TRIP12: variants seen among roughly 807,000 people sequenced by gnomAD.
TRIP12 encodes E3 ubiquitin-protein ligase TRIP12.
In TRIP12, 25 loss-of-function variants were observed where a neutral mutation model predicts 244.2. The ratio of observed to expected loss-of-function variants is 0.10; its 90% confidence interval spans 0.07 to 0.14. The LOEUF is 0.14. Among genes scored for constraint, TRIP12 ranks in the 10% least tolerant of loss-of-function variants. TRIP12 has a pLI of 1.00. For synonymous variants in TRIP12, 905 were observed against 873.1 expected (o/e 1.04, Z -0.64); for missense variants, 1,677 against 2,486.4 (o/e 0.67, Z 6.92).
chr2:229,832,214 GC>G (rs879838418), intron 6 of TRIP12, among the ~76,000 whole-genome samples: 1 of 152,068 alleles, frequency 6.6e-6, no homozygotes, highest in East Asian at 1.9e-4. Flanking sequence ...GCAAAATATG[GC>G]CCAAAGGCCA....
intron 1 of TRIP12, among the ~76,000 whole-genome samples, chr2:229,899,207 G>GAGCTCAGGAGCCAAT (rs2069855391): frequency 6.6e-6 from 1 of 151,984 alleles, no homozygotes; most frequent in Non-Finnish European, 1.5e-5. Context: ...CACCCACCTT[G>GAGCTCAGGAGCCAAT]GCCACAAGCC....
chr2:229,918,788 C>G (rs945713891), intron 1 of TRIP12, among the ~76,000 whole-genome samples: 1 of 152,180 alleles, frequency 6.6e-6, no homozygotes. Context: ...ACCACCACGA[C>G]TAATGAGAAG....
intron 1 of TRIP12, among the ~76,000 whole-genome samples, chr2:229,912,900 C>G (rs1457459591): frequency 6.6e-6 from 1 of 152,144 alleles, no homozygotes; most frequent in East Asian, 1.9e-4. Context: ...GACAGAGTCT[C>G]ACTCTGTGGC....
At chr2:229,922,088 T>A (rs2076702573), upstream of TRIP12, 1 of 162,486 alleles carries the variant, frequency 6.2e-6, no homozygotes, top group Non-Finnish European at 1.4e-5. Context: ...TACTTTGTCC[T>A]CGGGCTCCGG....
chr2:229,785,737 T>C lies in TRIP12; in HGVS notation c.5094+20A>G. 6.2e-7 allele frequency: 1 copy of C among 1,608,196 alleles called. No individual in the cohort carries two copies. Among genetic ancestry groups the C allele is most frequent in the South Asian group, 1.1e-5 (1 of 90,406 alleles). On this transcript the variant is annotated intron_variant, in intron 34 of 41. Transcript: ENST00000675903. ...GAGCACAAGTCAAGCTAAATAACCA[T>C]CACCAGACTCCAAGCTCACCTCATT...
intron 1 of TRIP12, among the ~76,000 whole-genome samples, chr2:229,920,266 C>G (rs1463463480): frequency 6.6e-6 from 1 of 152,012 alleles, no homozygotes; most frequent in Non-Finnish European, 1.5e-5. Context: ...AAATGAAATG[C>G]CAAAAATACC....
At position 229,775,431 on chromosome 2, in the gene TRIP12, C is replaced by G. The variant is rs547902821; in HGVS notation, c.5530-1170G>C. On this transcript the variant is annotated intron_variant, in intron 37 of 41. Transcript: ENST00000675903. ...AAGTTCTCCATTTTCATGTTCCCCC[C>G]ACTGGTAAGCTCTCAAAACTATCCT... is the stretch of plus-strand genomic sequence containing the variant. 2.6e-5 allele frequency among the ~76,000 whole-genome samples: 4 copies of G among 151,004 alleles called. No homozygotes were observed. The South Asian group carries it at 8.4e-4, about 32-fold the overall frequency.
chr2:229,785,912 A>G, intron 33 of TRIP12, 57 bp from the exon 34 acceptor site: 3 of 1,456,264 alleles, frequency 2.1e-6, no homozygotes, highest in Non-Finnish European at 1.9e-6. Context: ...ACACTTTAAT[A>G]AACAGGTGGC....
At chr2:229,794,904 A>C (rs2042431527) in intron 26 of TRIP12, 1 of 233,106 alleles carries the variant, frequency 4.3e-6, no homozygotes, top group East Asian at 9.5e-5. Flanking sequence ...TTGTATGCTG[A>C]AGTGTATCAA....
rs1396298632 is a variant in TRIP12 at position 229,766,865 on chromosome 2, TA to T, written c.*688del. ...ACCCTAAACTATATTAAAACTAAACTATAAGAAAAGTCTACCTAGTTACAAA... is the reference window on the plus strand; with the variant it reads ...ACCCTAAACTATATTAAAACTAAACTTAAGAAAAGTCTACCTAGTTACAAA... On this transcript the variant is annotated 3_prime_UTR_variant, in exon 42 of 42. Coordinates refer to ENST00000675903, the MANE Select transcript of TRIP12 (RefSeq NM_001348323.3). 1 of 152,092 alleles carries T rather than the reference TA, an allele frequency of 6.6e-6. No individual in the cohort carries two copies. Among genetic ancestry groups the T allele is most frequent in the Non-Finnish European group, 1.5e-5 (1 of 68,024 alleles). The allele number at this position is 152,092 out of a possible 1,614,324, so 9.4% of individuals were successfully genotyped here.
At chr2:229,834,936 A>T (rs969998297) in intron 6 of TRIP12, among the ~76,000 whole-genome samples, 1 of 152,212 alleles carries the variant, frequency 6.6e-6, no homozygotes, top group Admixed American at 6.5e-5. Context: ...ATGGAGTCTT[A>T]TATCGACTAT....
chr2:229,858,880 G>C lies in TRIP12; in HGVS notation c.919C>G (p.Arg307Gly), dbSNP rs201479336. The change falls in exon 4 of 42, where the codon CGT (arginine) becomes GGT (glycine). Residue 307 changes from arginine (R) to glycine (G), a missense_variant. By Grantham distance (125) the Arg-to-Gly change is moderately radical. Transcript: ENST00000675903. Reference sequence around the variant, plus strand: ...GGAAGGCTAACTTTAGGGCTGAAACGAGCAGCCCAATCAAATTTTGAAGAG... The same window carrying C: ...GGAAGGCTAACTTTAGGGCTGAAACCAGCAGCCCAATCAAATTTTGAAGAG... ...GGSSKFDWAA[R>G]FSPKVSLPKT... 6.2e-7 allele frequency: 1 copy of C among 1,614,192 alleles called. No homozygotes were observed. The highest frequency in any genetic ancestry group is 2.2e-5 in the East Asian group (1 of 44,882).
chr2:229,835,743 T>C (rs2054644697), intron 6 of TRIP12, among the ~76,000 whole-genome samples: 1 of 152,210 alleles, frequency 6.6e-6, no homozygotes, highest in Non-Finnish European at 1.5e-5. Context: ...TCCTTTTCTG[T>C]TACCCATTTG....
chr2:229,850,526 G>A (rs1320002389), intron 4 of TRIP12, among the ~76,000 whole-genome samples: 1 of 152,222 alleles, frequency 6.6e-6, no homozygotes, highest in African/African-American at 2.4e-5. Context: ...CAAGATGCAA[G>A]TTGGTGAAAC....
intron 1 of TRIP12, among the ~76,000 whole-genome samples, chr2:229,890,160 AC>A (rs2066989843): frequency 6.7e-6 from 1 of 150,172 alleles, no homozygotes; most frequent in East Asian, 2.0e-4. Context: ...GCTCACTGCA[AC>A]CTCCGCCTCC....
chr2:229,785,336 T>A (rs2039680201), intron 34 of TRIP12, among the ~76,000 whole-genome samples: 1 of 152,228 alleles, frequency 6.6e-6, no homozygotes. Flanking sequence ...GGGCACTTTT[T>A]GTGGTGATCA....
intron 8 of TRIP12, among the ~76,000 whole-genome samples, chr2:229,828,861 TAATA>T (rs923296600): frequency 6.6e-5 from 10 of 152,202 alleles, no homozygotes; most frequent in African/African-American, 2.4e-4. Context: ...GCAAACTGTT[TAATA>T]TTTTATCCTC....
intron 7 of TRIP12, 105 bp from the exon 8 acceptor site, chr2:229,829,393 A>C (rs1482602345): frequency 1.2e-6 from 1 of 854,884 alleles, no homozygotes; most frequent in Non-Finnish European, 1.8e-6. Flanking sequence ...TGATTCAGTC[A>C]ATGTTACTTT....
At chr2:229,828,038 A>G (rs989321751) in intron 8 of TRIP12, among the ~76,000 whole-genome samples, 21 of 152,340 alleles carry the variant, frequency 1.4e-4, no homozygotes, top group African/African-American at 4.6e-4. Context: ...TTGTGGGACT[A>G]ATGTAGTGTG....
Sources: allele counts gnomAD v4.1 joint callset (sites outside exome capture counted in the v4.1 genomes callset), GRCh38; gene constraint gnomAD v4.1.1; transcripts MANE v1.5; gene names NCBI Gene and HGNC (gene_info 2026-07-23, HGNC 2026-07-21).